TMC5: variants seen among roughly 807,000 people sequenced by gnomAD.
TMC5 encodes the protein transmembrane channel like 5.
In TMC5, 86 loss-of-function variants were observed where a neutral mutation model predicts 110.5. The observed-to-expected ratio is 0.78, with a 90% CI of 0.65 to 0.93. The LOEUF is 0.93. TMC5 is among the 40% of genes least tolerant of loss of function. TMC5 has a pLI of 0.00. For synonymous variants in TMC5, 455 were observed against 439.5 expected, an observed-to-expected ratio of 1.04 and a Z score of -0.44; for missense variants, 1,144 against 1,222.8, an observed-to-expected ratio of 0.94 and a Z score of 0.96.
intron 9 of TMC5, among the ~76,000 whole-genome samples, chr16:19,468,286 T>C (rs1402725352): frequency 1.3e-5 from 2 of 152,182 alleles, no homozygotes; most frequent in Non-Finnish European, 2.9e-5. Context: ...GAAATGATTC[T>C]AAAGTTGCTG....
rs1198760420 is a variant in TMC5, at chr16:19,456,488, A to G, written c.1049-3747A>G. 6 of 1,247,616 alleles carry G rather than the reference A, an allele frequency of 4.8e-6. No homozygotes were observed. In the Admixed American group the frequency reaches 1.1e-4, roughly 24 times the overall value. The allele number at this position is 1,247,616 out of a possible 1,614,324, so 77.3% of individuals were successfully genotyped here. A position where few individuals can be genotyped will look rare whatever the true frequency, so the allele number is the denominator to read the frequency against. Reference sequence around the variant, plus strand: ...CAGGAAAACACTCCTTCTCCTGAGAAAACTCCTCAGGGGTTAGATGCAGGG... The same window carrying G: ...CAGGAAAACACTCCTTCTCCTGAGAGAACTCCTCAGGGGTTAGATGCAGGG... On this transcript the variant is annotated intron_variant, in intron 5 of 21. Coordinates refer to ENST00000542583, the MANE Select transcript of TMC5 (RefSeq NM_001261841.2).
intron 1 of TMC5, among the ~76,000 whole-genome samples, chr16:19,427,919 T>G (rs1364518365): frequency 6.6e-6 from 1 of 152,220 alleles, no homozygotes; most frequent in African/African-American, 2.4e-5. Flanking sequence ...CATCAGCCCC[T>G]GAATGCAAAC....
chr16:19,448,746 A>C (rs2143507594), intron 4 of TMC5, among the ~76,000 whole-genome samples: 1 of 146,058 alleles, frequency 6.8e-6, no homozygotes, highest in African/African-American at 2.5e-5. Flanking sequence ...AACATATAAA[A>C]TATAGATTAC....
In TMC5 at chr16:19,490,362, G is replaced by C. The variant is rs760746966; in HGVS notation, c.2574-33G>C. The C allele has an allele frequency of 1.1e-5, 18 of 1,608,290 alleles. No individual in the cohort carries two copies. In the Admixed American group the frequency reaches 2.8e-4, roughly 25 times the overall value. On this transcript the variant is annotated intron_variant, in intron 17 of 21. Coordinates refer to ENST00000542583, the MANE Select transcript of TMC5 (RefSeq NM_001261841.2). ...TAGAATAACCATCCCTGAGTCTTGT[G>C]CTAGAGATGTTCTTCCATCTTTGTT... is the stretch of plus-strand genomic sequence containing the variant.
At chr16:19,484,759 G>C (rs571544602) in intron 15 of TMC5, among the ~76,000 whole-genome samples, 1 of 142,660 alleles carries the variant, frequency 7.0e-6, no homozygotes, top group Non-Finnish European at 1.5e-5. Context: ...ACGACACTCC[G>C]TCTCAAAAAG....
At chr16:19,477,210 T>G in intron 12 of TMC5, 1 of 376,172 alleles carries the variant, frequency 2.7e-6, no homozygotes, top group South Asian at 2.2e-5. Context: ...ATCGCGCCAC[T>G]GCACTCCAGC....
At chr16:19,438,611 A>T (rs1327079507) in intron 2 of TMC5, among the ~76,000 whole-genome samples, 5 of 151,118 alleles carry the variant, frequency 3.3e-5, no homozygotes, top group East Asian at 3.9e-4. Flanking sequence ...GCTGGACATG[A>T]TGGTGCACGC....
intron 4 of TMC5, among the ~76,000 whole-genome samples, chr16:19,445,436 C>A (rs993152530): frequency 1.3e-5 from 2 of 151,934 alleles, no homozygotes; most frequent in African/African-American, 4.8e-5. Flanking sequence ...AAGATGGGGT[C>A]TTGCTATGTT....
Position 19,431,130 on chromosome 16 carries a change from A to C in TMC5, c.-80+490A>C, listed in dbSNP as rs1967187069. Among the ~76,000 whole-genome samples, 2 of 152,222 alleles carry C rather than the reference A, an allele frequency of 1.3e-5. 1 individual carries two copies. Among genetic ancestry groups the C allele is most frequent in the East Asian group, 3.8e-4 (2 of 5,208 alleles). On this transcript the variant is annotated intron_variant, in intron 2 of 21. Transcript: ENST00000542583. The stretch of plus-strand genomic sequence containing the variant: ...TTTCATAATTTTAACTGTGGGTCTT[A>C]AGTATGTAGGGATCTTACATTATTT...
chr16:19,432,222 C>T (rs1044335729), intron 2 of TMC5, among the ~76,000 whole-genome samples: 5 of 152,230 alleles, frequency 3.3e-5, no homozygotes, highest in Middle Eastern at 3.4e-3. Context: ...ATGACCCATT[C>T]GAACCAGGAA....
chr16:19,453,751 G>A (rs1404698369), intron 5 of TMC5, among the ~76,000 whole-genome samples: 1 of 152,164 alleles, frequency 6.6e-6, no homozygotes, highest in Non-Finnish European at 1.5e-5. Flanking sequence ...CTAGGGGACA[G>A]AGTGAGACCT....
chr16:19,439,329 T>C (rs919245988), intron 2 of TMC5, among the ~76,000 whole-genome samples: 8 of 152,180 alleles, frequency 5.3e-5, no homozygotes, highest in South Asian at 2.1e-4. Context: ...ACCATTCTTC[T>C]TTTATGCACT....
chr16:19,456,615 C>T, intron 5 of TMC5: 2 of 1,514,146 alleles, frequency 1.3e-6, no homozygotes, highest in East Asian at 2.3e-5. Flanking sequence ...ATCACTTTTT[C>T]CCTGCGAGTC....
chr16:19,438,559 C>A (rs1967409457), intron 2 of TMC5, among the ~76,000 whole-genome samples: 1 of 151,276 alleles, frequency 6.6e-6, no homozygotes, highest in African/African-American at 2.4e-5. Context: ...CCAGCCTGGC[C>A]AACATAGTGA....
At chr16:19,463,513 G>A (rs576056608) in intron 7 of TMC5, 146 bp downstream of exon 7, 7 of 851,970 alleles carry the variant, frequency 8.2e-6, no homozygotes, top group East Asian at 2.5e-5. Flanking sequence ...GTGGAAAAGC[G>A]AGGTGGGCAT....
At chr16:19,479,180 CA>C (rs1163613328) in intron 13 of TMC5, among the ~76,000 whole-genome samples, 2 of 152,050 alleles carry the variant, frequency 1.3e-5, no homozygotes, top group Non-Finnish European at 2.9e-5. Flanking sequence ...AGATCATGAA[CA>C]GGGAAAGTTT....
chr16:19,440,747 A>G lies in TMC5; in HGVS notation c.709A>G (p.Thr237Ala), dbSNP rs1021796637. ...TGAGGACAATCAGAACTTGCCAAGC[A>G]CTTGGAGAGAACCTGATTATTCAGA... ...SAEDNQNLPS[T>A]WREPDYSDAE... Residue 237 changes from threonine to alanine, a missense_variant, in exon 3 of 22, where the codon ACT becomes GCT. By Grantham distance (58) the Thr-to-Ala change is moderately conservative. Transcript: ENST00000542583. 1.5e-5 allele frequency: 24 copies of G among 1,614,040 alleles called. No homozygotes were observed. Among genetic ancestry groups the G allele is most frequent in the Non-Finnish European group, 1.9e-5 (22 of 1,180,048 alleles).
At chr16:19,415,343 G>T (rs1396243571), upstream of TMC5, among the ~76,000 whole-genome samples, 1 of 152,192 alleles carries the variant, frequency 6.6e-6, no homozygotes, top group East Asian at 1.9e-4. Context: ...TTAGAGCAGT[G>T]GTTCTCAGGG....
chr16:19,481,585 G>C, intron 15 of TMC5, 120 bp downstream of exon 15: 1 of 729,052 alleles, frequency 1.4e-6, no homozygotes, highest in East Asian at 2.6e-5. Flanking sequence ...AACCCATCCA[G>C]CCAGTCTGAG....
Sources: allele counts gnomAD v4.1 joint callset (sites outside exome capture counted in the v4.1 genomes callset), GRCh38; gene constraint gnomAD v4.1.1; transcripts MANE v1.5; gene names NCBI Gene and HGNC (gene_info 2026-07-23, HGNC 2026-07-21).